Variants in RIMS1 observed in about 807,000 individuals in gnomAD.
RIMS1 encodes the protein regulating synaptic membrane exocytosis 1.
In RIMS1, 83 loss-of-function variants were observed where a neutral mutation model predicts 214.1. That is an observed-to-expected ratio of 0.39 (90% confidence interval 0.32 to 0.47). RIMS1 has a LOEUF of 0.47. RIMS1 is among the 20% of genes least tolerant of loss of function. RIMS1 has a pLI of 0.99. For missense variants in RIMS1, 2,050 were observed against 2,161.8 expected, an observed-to-expected ratio of 0.95 and a Z score of 1.03; for synonymous variants, 793 against 786.8, an observed-to-expected ratio of 1.01 and a Z score of -0.13.
chr6:72,025,108 T>C (rs969017958), intron 2 of RIMS1, among the ~76,000 whole-genome samples: 1 of 152,096 alleles, frequency 6.6e-6, no homozygotes, highest in Non-Finnish European at 1.5e-5. Context: ...TTCACCATGT[T>C]GGCCAGGCTG....
intron 1 of RIMS1, among the ~76,000 whole-genome samples, chr6:71,930,191 T>C (rs992874225): frequency 3.9e-5 from 6 of 152,084 alleles, no homozygotes; most frequent in Admixed American, 6.6e-5. Context: ...TCTCACTCTT[T>C]GCCAACTGAG....
chr6:72,233,797 A>C lies in RIMS1; in HGVS notation c.1703A>C (p.Asp568Ala), dbSNP rs1589871427. 1 of 1,579,724 alleles carries C rather than the reference A, an allele frequency of 6.3e-7. No individual in the cohort carries two copies. The highest frequency in any genetic ancestry group is 1.2e-5 in the South Asian group (1 of 86,422). Residue 568 changes from aspartate (D) to alanine (A), a missense_variant, in exon 7 of 34, where the codon GAT becomes GCT. Coordinates refer to ENST00000521978, the MANE Select transcript of RIMS1 (RefSeq NM_014989.7). ...GGTGATTTGGATTATTACTGGTTGG[A>C]TCCTGCCACGTGGCACAGCCGGGAG... The part of the protein sequence containing the change: ...EKGDLDYYWL[D>A]PATWHSRETS...
rs746947454 is a variant in RIMS1, at chr6:72,161,081, TAAG to T, written c.472-18492_472-18490del. On this transcript the variant is annotated intron_variant, in intron 4 of 33. Coordinates refer to ENST00000521978, the MANE Select transcript of RIMS1 (RefSeq NM_014989.7). ...ATTTCAGAAGCTGTTATTGGTCTAT[TAAG>T]AGATTCCACTTCTTCCTGGTTTAGT... Among the ~76,000 whole-genome samples, 16 of 140,296 alleles carry T rather than the reference TAAG, an allele frequency of 1.1e-4. 1 individual carries two copies. The highest frequency in any genetic ancestry group is 9.5e-4 in the Admixed American group (13 of 13,720). 92.0% of individuals were successfully genotyped at this position (140,296 alleles called of 152,430 possible).
At chr6:72,246,577 G>A (rs1006278139) in intron 11 of RIMS1, among the ~76,000 whole-genome samples, 22 of 152,200 alleles carry the variant, frequency 1.4e-4, no homozygotes, top group African/African-American at 5.3e-4. Context: ...AAAATAAAAG[G>A]TGATTTAGGG....
intron 2 of RIMS1, among the ~76,000 whole-genome samples, chr6:72,012,288 C>CGTG (rs1295857806): frequency 1.3e-4 from 19 of 151,780 alleles, no homozygotes; most frequent in African/African-American, 4.6e-4. Context: ...AATGAGAACA[C>CGTG]GTGGACACAG....
At chr6:72,017,100 G>A (rs1044543350) in intron 2 of RIMS1, among the ~76,000 whole-genome samples, 4 of 152,180 alleles carry the variant, frequency 2.6e-5, no homozygotes, top group Admixed American at 6.5e-5. Flanking sequence ...ATGATGGCCC[G>A]TGGTATAGAC....
At chr6:72,388,264 A>G (rs1009232638) in intron 29 of RIMS1, among the ~76,000 whole-genome samples, 4 of 152,232 alleles carry the variant, frequency 2.6e-5, no homozygotes, top group Admixed American at 1.3e-4. Context: ...GAGCAAGGCA[A>G]GAAAGTCAGA....
chr6:72,127,960 G>A (rs780892591), intron 4 of RIMS1, among the ~76,000 whole-genome samples: 22 of 152,152 alleles, frequency 1.4e-4, no homozygotes, highest in African/African-American at 3.9e-4. Flanking sequence ...GCAGCAGTTA[G>A]CGCACATAGT....
intron 22 of RIMS1, among the ~76,000 whole-genome samples, chr6:72,274,024 C>G (rs1037957440): frequency 2.0e-5 from 3 of 152,002 alleles, no homozygotes; most frequent in Non-Finnish European, 4.4e-5. Context: ...CTTAAAGTTA[C>G]ATTAATATTT....
At chr6:72,249,926 T>A (rs1289849354) in intron 12 of RIMS1, among the ~76,000 whole-genome samples, 2 of 152,160 alleles carry the variant, frequency 1.3e-5, no homozygotes, top group Admixed American at 6.5e-5. Flanking sequence ...TTTAACTACC[T>A]GTGACACCAG....
chr6:71,968,500 C>T (rs1422569782), intron 1 of RIMS1, among the ~76,000 whole-genome samples: 4 of 152,076 alleles, frequency 2.6e-5, no homozygotes, highest in Admixed American at 2.0e-4. Flanking sequence ...AGGGGGATGC[C>T]TTGAGGCCTC....
chr6:72,180,266 T>C (rs1459060641), intron 5 of RIMS1, among the ~76,000 whole-genome samples: 1 of 152,226 alleles, frequency 6.6e-6, no homozygotes, highest in Non-Finnish European at 1.5e-5. Context: ...GATGGGGGAA[T>C]CTGACCTATC....
At chr6:71,959,707 C>A (rs563282021) in intron 1 of RIMS1, among the ~76,000 whole-genome samples, 3 of 151,868 alleles carry the variant, frequency 2.0e-5, no homozygotes, top group Non-Finnish European at 2.9e-5. Flanking sequence ...AAGACTAATG[C>A]TTACAACTCG....
chr6:72,003,572 A>C (rs1252660661), intron 2 of RIMS1, among the ~76,000 whole-genome samples: 2 of 152,052 alleles, frequency 1.3e-5, no homozygotes, highest in Non-Finnish European at 2.9e-5. Context: ...AAAAAATAAT[A>C]AAGTTATCGA....
intron 6 of RIMS1, chr6:72,217,068 T>C (rs1359206999): frequency 2.7e-6 from 4 of 1,488,078 alleles, no homozygotes; most frequent in Non-Finnish European, 3.6e-6. Flanking sequence ...CAGGGAATTT[T>C]ATTTAAAATG....
intron 29 of RIMS1, among the ~76,000 whole-genome samples, chr6:72,347,072 G>T (rs1353085856): frequency 6.6e-6 from 1 of 151,736 alleles, no homozygotes. Flanking sequence ...CCATATACCT[G>T]TCATGTTTAC....
chr6:72,365,007 T>C (rs76675192), intron 29 of RIMS1, among the ~76,000 whole-genome samples: 2 of 152,214 alleles, frequency 1.3e-5, no homozygotes, highest in Admixed American at 1.3e-4. Flanking sequence ...AGTGAATGTC[T>C]ACGGGGCATA....
intron 2 of RIMS1, among the ~76,000 whole-genome samples, chr6:72,063,902 C>T (rs775525360): frequency 6.6e-6 from 1 of 152,136 alleles, no homozygotes. Flanking sequence ...CCTTCTGAGG[C>T]CTCATTGGCT....
At chr6:71,902,795 G>A (rs1362363758) in intron 1 of RIMS1, among the ~76,000 whole-genome samples, 1 of 152,092 alleles carries the variant, frequency 6.6e-6, no homozygotes, top group Non-Finnish European at 1.5e-5. Flanking sequence ...TTCTGTTCCT[G>A]TGTTAGTTTG....
Sources: gnomAD v4.1 joint callset for allele counts (sites outside exome capture counted in the v4.1 genomes callset) on GRCh38, gnomAD v4.1.1 for gene constraint, MANE v1.5 for transcripts, NCBI Gene and HGNC (gene_info 2026-07-23, HGNC 2026-07-21) for gene names.